Variants in HELZ2 observed in about 807,000 individuals in gnomAD.
The protein encoded by HELZ2 is helicase with zinc finger 2.
In HELZ2, 143 loss-of-function variants were observed where a neutral mutation model predicts 208.8. That is an observed-to-expected ratio of 0.68 (90% confidence interval 0.60 to 0.79). The LOEUF is 0.79. Among genes scored for constraint, HELZ2 ranks in the 30% least tolerant of loss-of-function variants. The pLI, the probability that HELZ2 is intolerant of heterozygous loss-of-function variation, is 0.00. For synonymous variants in HELZ2, 1,705 were observed against 1,693.7 expected, an observed-to-expected ratio of 1.01 and a Z score of -0.16; for missense variants, 3,690 against 3,794.5, an observed-to-expected ratio of 0.97 and a Z score of 0.72.
In HELZ2 at chr20:63,569,774, A is replaced by G. The variant is rs548512901; in HGVS notation, c.571-109T>C. 5.0e-6 allele frequency: 6 copies of G among 1,211,996 alleles called. No homozygotes were observed. In the African/African-American group the frequency reaches 6.2e-5, roughly 12 times the overall value. The allele number at this position is 1,211,996 out of a possible 1,614,324, so 75.1% of individuals were successfully genotyped here. ...GCAGGGTTCAGGTCCTGGCCCTGCCACTTCCTGGATAGAACGCAAGCAGGC... is the reference window on the plus strand; with the variant it reads ...GCAGGGTTCAGGTCCTGGCCCTGCCGCTTCCTGGATAGAACGCAAGCAGGC... On this transcript the variant is annotated intron_variant, in intron 3 of 18. Coordinates refer to ENST00000467148, the Ensembl canonical transcript of HELZ2.
intron 3 of HELZ2, among the ~76,000 whole-genome samples, 193 bp from the exon 5 acceptor site, chr20:63,569,858 C>T (rs1343909396): frequency 2.6e-5 from 4 of 152,224 alleles, no homozygotes; most frequent in Admixed American, 2.0e-4. Context: ...GCTGAACCCT[C>T]CTGGGGCCCC....
chr20:63,565,246 C>T (rs1159839550), exon 8 of HELZ2: 11 of 1,607,534 alleles, frequency 6.8e-6, no homozygotes, highest in Middle Eastern at 3.3e-4. Flanking sequence ...TCAGCACGCC[C>T]AGCACGCGGC....
downstream of HELZ2, chr20:63,559,116 G>C (rs1026274550): frequency 8.7e-6 from 9 of 1,029,936 alleles, no homozygotes; most frequent in African/African-American, 1.5e-4. Context: ...CCCACTTCCT[G>C]CCCCAGGGAG....
At chr20:63,566,609 T>TCCAGACA (rs2082961305) in intron 6 of HELZ2, among the ~76,000 whole-genome samples, 156 bp from the exon 8 acceptor site, 1 of 150,328 alleles carries the variant, frequency 6.7e-6, no homozygotes, top group Non-Finnish European at 1.5e-5. Flanking sequence ...CCCACCAAGC[T>TCCAGACA]CGGGGATGAG....
At position 63,569,517 on chromosome 20, in the gene HELZ2, C is replaced by T. The variant is rs377344395; in HGVS notation, c.719G>A (p.Arg240His). The T allele has an allele frequency of 9.5e-5, 153 of 1,610,000 alleles. 1 individual carries two copies. Among genetic ancestry groups the T allele is most frequent in the Middle Eastern group, 6.6e-4 (4 of 6,082 alleles). The stretch of plus-strand genomic sequence containing the variant: ...GGTGCCGAACGAGGCAGCCTGCACA[C>T]GCACTCCCACCTGGAAGTCGGCAGT... Residue 240 changes from arginine (R) to histidine (H), a missense_variant, in exon 4 of 19, where the codon CGT becomes CAT. Arg to His is a conservative substitution (Grantham distance 29). Coordinates refer to ENST00000467148, the Ensembl canonical transcript of HELZ2.
At chr20:63,568,092 G>A (rs1179373797) in intron 5 of HELZ2, 1 of 568,104 alleles carries the variant, frequency 1.8e-6, no homozygotes. Context: ...ATCCCCAGAA[G>A]TCCTGGGTGG....
In HELZ2 at chr20:63,561,064, C is replaced by T. The variant is rs2082880082; in HGVS notation, c.7146+18G>A. ...CAGGGACGCCTGCTCATGCTGCCCA[C>T]ACCCCCCGCCGACCAACCTTCTCGG... On this transcript the variant is annotated intron_variant, in intron 14 of 18. Transcript: ENST00000467148. 5.6e-6 allele frequency: 9 copies of T among 1,604,900 alleles called. No homozygotes were observed. The highest frequency in any genetic ancestry group is 7.7e-6 in the Non-Finnish European group (9 of 1,174,902).
chr20:63,570,320 G>A, intron 3 of HELZ2, 184 bp downstream of exon 4: 1 of 712,008 alleles, frequency 1.4e-6, no homozygotes, highest in South Asian at 1.5e-5. Context: ...GACTGTCCTG[G>A]CCCCCTGTCT....
chr20:63,561,700 CTG>C lies in HELZ2; in HGVS notation c.6735_6736del (p.Tyr2245Ter). 1.9e-6 allele frequency: 3 copies of C among 1,612,170 alleles called. No individual in the cohort carries two copies. Among genetic ancestry groups the C allele is most frequent in the Non-Finnish European group, 2.5e-6 (3 of 1,179,586 alleles). On this transcript the variant is annotated stop_gained and frameshift_variant, in exon 12 of 19. Transcript: ENST00000467148. LOFTEE classifies it high-confidence loss of function. ...GAACTCGCTGGCCTCAGCCTGCTCA[CTG>C]TACACACGGAGGGGCTTCAGCTCCA... is the stretch of plus-strand genomic sequence containing the variant.
exon 8 of HELZ2, chr20:63,564,326 T>C (rs769839555): frequency 1.3e-6 from 2 of 1,589,058 alleles, no homozygotes; most frequent in South Asian, 2.3e-5. Context: ...CCGCAGGCGG[T>C]GCCGGCGCAG....
chr20:63,567,266 G>A lies in HELZ2; in HGVS notation c.2092C>T (p.Gln698Ter), dbSNP rs768432559. The change falls in exon 6 of 19, where the codon CAG becomes TAG. Residue 698 changes from glutamine to a stop codon, truncating the protein, a stop_gained. Transcript: ENST00000467148. LOFTEE classifies it high-confidence loss of function. ...ACACTGAACAGCCGGGGTGTGACCT[G>A]CATGTGGTCGCCCGCCAGCACGAGG... is the stretch of plus-strand genomic sequence containing the variant. 1 of 1,608,726 alleles carries A rather than the reference G, an allele frequency of 6.2e-7. No homozygotes were observed. Among genetic ancestry groups the A allele is most frequent in the Non-Finnish European group, 8.5e-7 (1 of 1,179,424 alleles).
chr20:63,562,585 C>A (rs781232389), exon 8 of HELZ2: 7 of 1,599,348 alleles, frequency 4.4e-6, no homozygotes, highest in Non-Finnish European at 6.0e-6. Flanking sequence ...GCACCTCTTC[C>A]GGAACCTTCT....
chr20:63,560,391 C>A, intron 16 of HELZ2, 64 bp from the exon 18 acceptor site: 1 of 1,580,562 alleles, frequency 6.3e-7, no homozygotes. Context: ...TCCAGGAAGC[C>A]CTCCCTGACT....
At chr20:63,568,560 G>A (rs1158106123) in exon 5 of HELZ2, 1 of 1,587,184 alleles carries the variant, frequency 6.3e-7, no homozygotes, top group African/African-American at 1.3e-5. Context: ...CGCAAGGGTG[G>A]GACAGACCAA....
chr20:63,562,656 G>C (rs780861682), exon 8 of HELZ2: 1 of 1,595,542 alleles, frequency 6.3e-7, no homozygotes, highest in East Asian at 2.3e-5. Context: ...CGGTCTGCCC[G>C]GCGCTCCTGG....
At chr20:63,564,285 C>G (rs1406012146) in exon 8 of HELZ2, 3 of 1,609,210 alleles carry the variant, frequency 1.9e-6, no homozygotes, top group Non-Finnish European at 2.5e-6. Flanking sequence ...AGGGTGCCGT[C>G]CTCGTCCGGC....
At chr20:63,562,999 G>A (rs772908901) in exon 8 of HELZ2, 24 of 1,600,594 alleles carry the variant, frequency 1.5e-5, no homozygotes, top group East Asian at 4.5e-5. Flanking sequence ...ACACGCAGGC[G>A]TACTCATCCA....
At chr20:63,569,765 G>A in intron 3 of HELZ2, 100 bp from the exon 5 acceptor site, 1 of 1,262,278 alleles carries the variant, frequency 7.9e-7, no homozygotes, top group Admixed American at 2.9e-5. Flanking sequence ...TTCAGGTCCT[G>A]GCCCTGCCAC....
exon 2 of HELZ2, chr20:63,570,790 C>A (rs199551749): frequency 1.2e-6 from 2 of 1,610,978 alleles, no homozygotes; most frequent in Non-Finnish European, 1.7e-6. Context: ...CCACAGCCTG[C>A]GTGCGCCGGA....
Sources: gnomAD v4.1 joint callset for allele counts (sites outside exome capture counted in the v4.1 genomes callset) on GRCh38, gnomAD v4.1.1 for gene constraint, MANE v1.5 for transcripts, NCBI Gene and HGNC (gene_info 2026-07-23, HGNC 2026-07-21) for gene names.